The following ST8SIA2 variants were observed in gnomAD, a reference collection of about 807,000 sequenced individuals.
The protein encoded by ST8SIA2 is alpha-2,8-sialyltransferase 8B.
ST8SIA2 carries 22 observed loss-of-function variants against 37.6 expected under a neutral mutation model. The observed-to-expected ratio is 0.58, with a 90% CI of 0.42 to 0.83. The LOEUF is 0.83. Ranked by LOEUF, ST8SIA2 falls within the 40% of genes least tolerant of loss-of-function variation. ST8SIA2 has a pLI of 0.00. For missense variants in ST8SIA2, 382 were observed against 484.7 expected, an observed-to-expected ratio of 0.79 and a Z score of 1.99; for synonymous variants, 205 against 201.2, an observed-to-expected ratio of 1.02 and a Z score of -0.16.
chr15:92,396,220 A>G (rs1439249468), intron 1 of ST8SIA2, among the ~76,000 whole-genome samples: 1 of 152,126 alleles, frequency 6.6e-6, no homozygotes, highest in African/African-American at 2.4e-5. Context: ...AGTCCTGACC[A>G]GGCCTAAGAC....
At chr15:92,397,589 T>C (rs184247203) in intron 1 of ST8SIA2, among the ~76,000 whole-genome samples, 1 of 152,224 alleles carries the variant, frequency 6.6e-6, no homozygotes, top group Admixed American at 6.5e-5. Flanking sequence ...AAATAGGCCC[T>C]GATCAATTCA....
chr15:92,395,151 GC>G (rs1033546048), intron 1 of ST8SIA2, among the ~76,000 whole-genome samples: 4 of 152,196 alleles, frequency 2.6e-5, no homozygotes, highest in Non-Finnish European at 5.9e-5. Flanking sequence ...TGGGGAGGCA[GC>G]CGGGGTTCTG....
At chr15:92,437,238 A>G (rs943598275) in intron 3 of ST8SIA2, among the ~76,000 whole-genome samples, 1 of 152,178 alleles carries the variant, frequency 6.6e-6, no homozygotes, top group Non-Finnish European at 1.5e-5. Flanking sequence ...TTATCTAGGT[A>G]CTCAATTCCT....
At chr15:92,427,477 G>T (rs1056692795) in intron 1 of ST8SIA2, among the ~76,000 whole-genome samples, 1 of 152,066 alleles carries the variant, frequency 6.6e-6, no homozygotes, top group Non-Finnish European at 1.5e-5. Context: ...AACTGGGTTT[G>T]GGTTTGTTGA....
At chr15:92,462,719 T>C (rs1448154898) in intron 5 of ST8SIA2, among the ~76,000 whole-genome samples, 2 of 152,166 alleles carry the variant, frequency 1.3e-5, no homozygotes, top group South Asian at 2.1e-4. Flanking sequence ...GACAGAAAGA[T>C]GTGAATTGTG....
chr15:92,403,214 G>A (rs932969437), intron 1 of ST8SIA2, among the ~76,000 whole-genome samples: 1 of 152,088 alleles, frequency 6.6e-6, no homozygotes, highest in Non-Finnish European at 1.5e-5. Context: ...GACTTGCTAA[G>A]GTCACACAGC....
intron 1 of ST8SIA2, among the ~76,000 whole-genome samples, chr15:92,413,663 C>T (rs2049566421): frequency 6.6e-6 from 1 of 152,182 alleles, no homozygotes; most frequent in African/African-American, 2.4e-5. Flanking sequence ...TGTGATCTGC[C>T]TAGGACAAAA....
chr15:92,414,521 C>T (rs1293208653), intron 1 of ST8SIA2, among the ~76,000 whole-genome samples: 2 of 152,224 alleles, frequency 1.3e-5, no homozygotes, highest in East Asian at 3.8e-4. Flanking sequence ...GCTCCCTCCT[C>T]ACTGTCAATC....
chr15:92,403,749 G>A (rs1567210054), intron 1 of ST8SIA2, among the ~76,000 whole-genome samples: 2 of 152,216 alleles, frequency 1.3e-5, no homozygotes, highest in Non-Finnish European at 2.9e-5. Context: ...CCTACAAGCA[G>A]TAAAGGCCCT....
intron 1 of ST8SIA2, among the ~76,000 whole-genome samples, chr15:92,399,233 T>C (rs2049453350): frequency 6.6e-6 from 1 of 152,256 alleles, no homozygotes; most frequent in African/African-American, 2.4e-5. Context: ...TTTGGGCATC[T>C]AGGTGTCCGG....
At chr15:92,458,625 A>T (rs1478632286) in intron 5 of ST8SIA2, among the ~76,000 whole-genome samples, 3 of 152,224 alleles carry the variant, frequency 2.0e-5, no homozygotes, top group African/African-American at 7.2e-5. Flanking sequence ...GGCCCTCAGC[A>T]CAGAGGCAGC....
chr15:92,403,969 C>T lies in ST8SIA2; in HGVS notation c.98+9807C>T, dbSNP rs933780035. On this transcript the variant is annotated intron_variant, in intron 1 of 5. Transcript: ENST00000268164. ...ACAAAGGCAGCAACGTGCTGACAGA[C>T]GGCATCCCAAAGAAAGACCTGTGAT... Among the ~76,000 whole-genome samples the T allele has an allele frequency of 3.9e-5, 6 of 152,226 alleles. No homozygotes were observed. The East Asian group carries it at 9.6e-4, about 24-fold the overall frequency.
chr15:92,397,287 T>A (rs2049438852), intron 1 of ST8SIA2, among the ~76,000 whole-genome samples: 1 of 152,224 alleles, frequency 6.6e-6, no homozygotes, highest in Non-Finnish European at 1.5e-5. Context: ...TTTTATAAAA[T>A]GAGGCTTTTA....
intron 1 of ST8SIA2, among the ~76,000 whole-genome samples, chr15:92,413,070 G>A (rs1028009224): frequency 6.6e-6 from 1 of 152,104 alleles, no homozygotes; most frequent in African/African-American, 2.4e-5. Flanking sequence ...GTGTGCGTTT[G>A]TTTCATGTCC....
intron 5 of ST8SIA2, chr15:92,445,209 A>C: frequency 3.7e-6 from 2 of 535,972 alleles, no homozygotes; most frequent in Non-Finnish European, 3.4e-6. Flanking sequence ...TTGAGGCTCA[A>C]TGGGAACAGA....
chr15:92,459,190 TA>T (rs1170456751), intron 5 of ST8SIA2, among the ~76,000 whole-genome samples: 1 of 152,224 alleles, frequency 6.6e-6, no homozygotes, highest in Non-Finnish European at 1.5e-5. Flanking sequence ...CTTCCCCTAC[TA>T]AGACCTTGCT....
intron 5 of ST8SIA2, among the ~76,000 whole-genome samples, chr15:92,446,276 C>A (rs1054274417): frequency 1.6e-4 from 24 of 152,178 alleles, no homozygotes; most frequent in African/African-American, 5.3e-4. Flanking sequence ...GATTGGGCTT[C>A]CTCACAGCAT....
At chr15:92,402,542 G>A (rs1383102714) in intron 1 of ST8SIA2, among the ~76,000 whole-genome samples, 1 of 152,158 alleles carries the variant, frequency 6.6e-6, no homozygotes, top group Non-Finnish European at 1.5e-5. Context: ...ATGCGTGCTT[G>A]TATTTTCAAG....
At chr15:92,457,955 C>A (rs955635833) in intron 5 of ST8SIA2, among the ~76,000 whole-genome samples, 1 of 152,226 alleles carries the variant, frequency 6.6e-6, no homozygotes, top group African/African-American at 2.4e-5. Flanking sequence ...ATTTCTATTC[C>A]TGTCCCAGCT....
Sources: gnomAD v4.1 joint callset for allele counts (sites outside exome capture counted in the v4.1 genomes callset) on GRCh38, gnomAD v4.1.1 for gene constraint, MANE v1.5 for transcripts, NCBI Gene and HGNC (gene_info 2026-07-23, HGNC 2026-07-21) for gene names.